The following KCNH8 variants were observed in gnomAD, a reference collection of about 807,000 sequenced individuals.
The protein encoded by KCNH8 is voltage-gated delayed rectifier potassium channel KCNH8.
In KCNH8, 70 loss-of-function variants were observed where a neutral mutation model predicts 103.6. The ratio of observed to expected loss-of-function variants is 0.68; its 90% confidence interval spans 0.56 to 0.82. The LOEUF (loss-of-function observed/expected upper bound fraction) is 0.82. KCNH8 is among the 40% of genes least tolerant of loss of function. KCNH8 has a pLI of 0.00. For synonymous variants in KCNH8, 498 were observed against 489.4 expected (o/e 1.02, Z -0.23); for missense variants, 1,217 against 1,329.9 (o/e 0.92, Z 1.32).
At chr3:19,257,281 C>G (rs1348590411) in intron 2 of KCNH8, among the ~76,000 whole-genome samples, 1 of 151,990 alleles carries the variant, frequency 6.6e-6, no homozygotes, top group South Asian at 2.1e-4. Context: ...TATGATTGCT[C>G]TCCTGACCTT....
chr3:19,271,401 T>C (rs2125266517), intron 2 of KCNH8, among the ~76,000 whole-genome samples: 1 of 152,284 alleles, frequency 6.6e-6, no homozygotes, highest in Middle Eastern at 3.4e-3. Flanking sequence ...CACTGAATTC[T>C]CCATTTTTAA....
intron 1 of KCNH8, among the ~76,000 whole-genome samples, chr3:19,188,812 A>T (rs971339522): frequency 6.6e-6 from 1 of 151,820 alleles, no homozygotes; most frequent in Non-Finnish European, 1.5e-5. Context: ...TGTTTGTTTG[A>T]TTGATTTTGT....
chr3:19,439,028 G>A (rs922782915), intron 8 of KCNH8, among the ~76,000 whole-genome samples: 4 of 152,154 alleles, frequency 2.6e-5, no homozygotes, highest in African/African-American at 9.7e-5. Context: ...ATTTAGATGT[G>A]AATTGTATTT....
At chr3:19,286,983 G>A (rs530472464) in intron 3 of KCNH8, among the ~76,000 whole-genome samples, 2 of 152,194 alleles carry the variant, frequency 1.3e-5, no homozygotes, top group Admixed American at 6.5e-5. Context: ...ATTCAGTATT[G>A]GGTCTACTGT....
intron 15 of KCNH8, among the ~76,000 whole-genome samples, chr3:19,522,760 ATAATTATTTTCCCCT>A (rs1197045531): frequency 2.0e-5 from 3 of 151,858 alleles, no homozygotes; most frequent in Non-Finnish European, 4.4e-5. Context: ...TTTGATGGGA[ATAATTATTTTCCCCT>A]TTAGCGATAT....
At chr3:19,415,211 C>A (rs2066844398) in intron 7 of KCNH8, among the ~76,000 whole-genome samples, 1 of 151,862 alleles carries the variant, frequency 6.6e-6, no homozygotes, top group Admixed American at 6.6e-5. Context: ...AAGCAGTGTT[C>A]TAGGTACCTA....
chr3:19,412,033 GA>G (rs1230971471), intron 7 of KCNH8, among the ~76,000 whole-genome samples: 2 of 151,232 alleles, frequency 1.3e-5, no homozygotes, highest in African/African-American at 2.4e-5. Flanking sequence ...AATAGAATTA[GA>G]AAAAAAATTC....
At chr3:19,354,141 G>T (rs1326644461) in intron 5 of KCNH8, among the ~76,000 whole-genome samples, 2 of 152,110 alleles carry the variant, frequency 1.3e-5, no homozygotes, top group Non-Finnish European at 2.9e-5. Context: ...TGGCTTCAAA[G>T]ACAGTAAAAT....
intron 1 of KCNH8, among the ~76,000 whole-genome samples, chr3:19,201,990 G>C (rs1195336251): frequency 1.3e-5 from 2 of 152,070 alleles, no homozygotes; most frequent in African/African-American, 4.8e-5. Flanking sequence ...AAAACTTAAG[G>C]TCAATTGATT....
chr3:19,343,161 A>G (rs1340100771), intron 4 of KCNH8, among the ~76,000 whole-genome samples: 5 of 152,122 alleles, frequency 3.3e-5, no homozygotes, highest in Admixed American at 3.3e-4. Flanking sequence ...CAAAGTCATT[A>G]CTCCATTAAA....
chr3:19,482,403 C>T (rs2068106307), intron 11 of KCNH8, among the ~76,000 whole-genome samples: 1 of 152,196 alleles, frequency 6.6e-6, no homozygotes, highest in South Asian at 2.1e-4. Context: ...CCTTTGAGAA[C>T]CTCACTCATT....
At chr3:19,239,590 C>G (rs1036072856) in intron 1 of KCNH8, among the ~76,000 whole-genome samples, 2 of 151,820 alleles carry the variant, frequency 1.3e-5, no homozygotes, top group African/African-American at 4.8e-5. Flanking sequence ...ATTTTAGAAA[C>G]TAGTCTAGAA....
At chr3:19,373,198 C>A (rs564984812) in intron 5 of KCNH8, among the ~76,000 whole-genome samples, 1 of 152,196 alleles carries the variant, frequency 6.6e-6, no homozygotes, top group African/African-American at 2.4e-5. Flanking sequence ...ACCAGCTCCT[C>A]CTTGTACCTC....
intron 3 of KCNH8, among the ~76,000 whole-genome samples, chr3:19,283,329 C>T (rs1359408569): frequency 1.3e-5 from 2 of 151,974 alleles, no homozygotes; most frequent in African/African-American, 4.8e-5. Context: ...AAATTGTGCT[C>T]AATAATATTT....
intron 2 of KCNH8, among the ~76,000 whole-genome samples, chr3:19,256,804 C>T (rs112948186): frequency 6.9e-4 from 105 of 152,174 alleles, no homozygotes; most frequent in African/African-American, 2.2e-3. Flanking sequence ...ATTAAAGGCA[C>T]CAGTTCCCTT....
chr3:19,515,363 G>C lies in KCNH8; in HGVS notation c.2477G>C (p.Ser826Thr), dbSNP rs1293901554. The C allele has an allele frequency of 6.3e-7, 1 of 1,586,398 alleles. No individual in the cohort carries two copies. Among genetic ancestry groups the C allele is most frequent in the Non-Finnish European group, 8.6e-7 (1 of 1,166,604 alleles). Residue 826 changes from serine to threonine, a missense_variant, in exon 14 of 16, where the codon AGT (serine) becomes ACT (threonine). Around this residue, in one of 3 missense-constraint regions of KCNH8, gnomAD observed 558 missense variants for 495.8 expected, o/e 1.13. Transcript: ENST00000328405. Reference sequence around the variant, plus strand: ...GAAGATGGAAACAGCAGTGAAGAAAGTCAGACTTTTGATTTTGGCTCTGAA... The same window carrying C: ...GAAGATGGAAACAGCAGTGAAGAAACTCAGACTTTTGATTTTGGCTCTGAA... ...GIEDGNSSEE[S>T]QTFDFGSERI...
chr3:19,258,032 CT>C (rs1299838368), intron 2 of KCNH8, among the ~76,000 whole-genome samples: 1 of 152,098 alleles, frequency 6.6e-6, no homozygotes, highest in South Asian at 2.1e-4. Context: ...CAAATTTTCC[CT>C]TTTAAATGAG....
intron 2 of KCNH8, among the ~76,000 whole-genome samples, chr3:19,271,305 A>G (rs2064584733): frequency 6.6e-6 from 1 of 152,108 alleles, no homozygotes; most frequent in African/African-American, 2.4e-5. Context: ...GTTCCATCTC[A>G]TCATCTTTAA....
chr3:19,390,207 C>G (rs755696098), intron 5 of KCNH8, among the ~76,000 whole-genome samples: 8 of 151,988 alleles, frequency 5.3e-5, no homozygotes, highest in Non-Finnish European at 1.2e-4. Flanking sequence ...ACATTATGTG[C>G]TCAGAAAATA....
Sources: gnomAD v4.1 joint callset for allele counts (sites outside exome capture counted in the v4.1 genomes callset) on GRCh38, gnomAD v4.1.1 for gene constraint, gnomAD v4.1.1 regional missense constraint, MANE v1.5 for transcripts, NCBI Gene and HGNC (gene_info 2026-07-23, HGNC 2026-07-21) for gene names.